GSTO2: variants seen among roughly 807,000 people sequenced by gnomAD.
The protein encoded by GSTO2 is glutathione S-transferase omega-2.
A neutral mutation model predicts 28.4 loss-of-function variants in GSTO2; 23 were observed. The observed-to-expected ratio is 0.81, with a 90% CI of 0.58 to 1.15. The LOEUF (loss-of-function observed/expected upper bound fraction) is 1.15, where lower values mean the gene tolerates loss of function less well. Among genes scored for constraint, GSTO2 ranks in the 50% most tolerant of loss-of-function variants. The pLI, the probability that GSTO2 is intolerant of heterozygous loss-of-function variation, is 0.00. For missense variants in GSTO2, 298 were observed against 297.8 expected, an observed-to-expected ratio of 1.00 and a Z score of 0.00; for synonymous variants, 109 against 111.0, an observed-to-expected ratio of 0.98 and a Z score of 0.11.
chr10:104,284,743 T>C (rs1041434572), intron 5 of GSTO2, among the ~76,000 whole-genome samples: 1 of 152,248 alleles, frequency 6.6e-6, no homozygotes, highest in Non-Finnish European at 1.5e-5. Flanking sequence ...TCACTTTTTA[T>C]CTGTGCCTTC....
At position 104,303,543 on chromosome 10, in the gene GSTO2, T is replaced by G. The variant is rs112927816; in HGVS notation, c.*4259T>G. ...ATGCTCATATTTGTGAGCAAAGAAA[T>G]TATGTTAAGTTGGAACTTATATTTA... On this transcript the variant is annotated 3_prime_UTR_variant, in exon 7 of 7. Transcript: ENST00000338595. The G allele has an allele frequency of 6.6e-6, 1 of 152,160 alleles. No homozygotes were observed. Among genetic ancestry groups the G allele is most frequent in the East Asian group, 1.9e-4 (1 of 5,194 alleles). 9.4% of individuals were successfully genotyped at this position (152,160 alleles called of 1,614,324 possible).
intron 5 of GSTO2, among the ~76,000 whole-genome samples, chr10:104,280,146 A>G (rs966267527): frequency 7.4e-6 from 1 of 134,322 alleles, no homozygotes; most frequent in African/African-American, 3.0e-5. Flanking sequence ...AGCCTGGGTG[A>G]CAGAGTAAGT....
chr10:104,280,876 C>T (rs2011997895), intron 5 of GSTO2, among the ~76,000 whole-genome samples: 1 of 152,140 alleles, frequency 6.6e-6, no homozygotes, highest in South Asian at 2.1e-4. Context: ...TTGCCTATCT[C>T]AAATTTGTAC....
chr10:104,294,605 C>G (rs2012939578), intron 5 of GSTO2, among the ~76,000 whole-genome samples: 1 of 152,120 alleles, frequency 6.6e-6, no homozygotes, highest in Non-Finnish European at 1.5e-5. Flanking sequence ...TTAGGAAATG[C>G]AAGTAGTTTT....
chr10:104,299,369 C>G lies in GSTO2; in HGVS notation c.*85C>G. On this transcript the variant is annotated 3_prime_UTR_variant, in exon 7 of 7. Coordinates refer to ENST00000338595, the MANE Select transcript of GSTO2 (RefSeq NM_183239.2). ...CGGCTTGTCTTGGGAACCAATCCGT[C>G]TCTCTTTCTTTTCTTTGAAGTTCCC... 4 of 1,420,380 alleles carry G rather than the reference C, an allele frequency of 2.8e-6. No homozygotes were observed. The highest frequency in any genetic ancestry group is 3.6e-4 in the Middle Eastern group (2 of 5,614). 88.0% of individuals were successfully genotyped at this position (1,420,380 alleles called of 1,614,324 possible). A position where few individuals can be genotyped will look rare whatever the true frequency, so the allele number is the denominator to read the frequency against.
rs1235512434 is a variant in GSTO2, at chr10:104,299,482, T to C, written c.*198T>C. On this transcript the variant is annotated 3_prime_UTR_variant, in exon 7 of 7. Transcript: ENST00000338595. ...AGCTGCTGCTACTGCTGCTTTTTTT[T>C]CCTTTTTTTTTTTGAGGCAAGATCT... The C allele has an allele frequency of 1.1e-5, 7 of 608,814 alleles. No homozygotes were observed. The highest frequency in any genetic ancestry group is 2.2e-5 in the South Asian group (1 of 45,010). The allele number at this position is 608,814 out of a possible 1,614,324, so 37.7% of individuals were successfully genotyped here. A position where few individuals can be genotyped will look rare whatever the true frequency, so the allele number is the denominator to read the frequency against.
chr10:104,288,397 G>A (rs540134007), intron 5 of GSTO2: 1 of 152,312 alleles, frequency 6.6e-6, no homozygotes, highest in South Asian at 2.1e-4. Flanking sequence ...GGAATTACCA[G>A]ATCAAAGGGT....
In GSTO2 at chr10:104,278,085, G is replaced by T; in HGVS notation, c.335G>T (p.Arg112Leu). The T allele has an allele frequency of 9.3e-6, 15 of 1,613,968 alleles. No homozygotes were observed. The highest frequency in any genetic ancestry group is 4.5e-5 in the East Asian group (2 of 44,874). Reference sequence around the variant, plus strand: ...CCATATGACCCTTATGAACGAGCTCGCCAAAAGATGTTATTGGAGCTATTT... The same window carrying T: ...CCATATGACCCTTATGAACGAGCTCTCCAAAAGATGTTATTGGAGCTATTT... Reference protein sequence around the residue: ...LFPYDPYERARQKMLLELFCK... With the variant: ...LFPYDPYERALQKMLLELFCK... The change falls in exon 4 of 7, where the codon CGC (arginine) becomes CTC (leucine). Residue 112 changes from arginine to leucine, a missense_variant. Transcript: ENST00000338595.
At chr10:104,272,699 C>T (rs1433832557) in intron 1 of GSTO2, among the ~76,000 whole-genome samples, 2 of 146,662 alleles carry the variant, frequency 1.4e-5, no homozygotes, top group East Asian at 2.1e-4. Context: ...CAGCAAGCTC[C>T]GCCTCCCGGG....
At chr10:104,274,251 C>T (rs2011529457) in intron 1 of GSTO2, among the ~76,000 whole-genome samples, 1 of 152,086 alleles carries the variant, frequency 6.6e-6, no homozygotes, top group South Asian at 2.1e-4. Context: ...GGTAAAATCT[C>T]ACAAGTAGGG....
chr10:104,270,699 A>G (rs534763975), intron 1 of GSTO2, among the ~76,000 whole-genome samples: 1 of 152,360 alleles, frequency 6.6e-6, no homozygotes, highest in East Asian at 1.9e-4. Context: ...ATAAGGGAAC[A>G]CCCAGTAATA....
At position 104,294,516 on chromosome 10, in the gene GSTO2, T is replaced by C. The variant is rs2012935594; in HGVS notation, c.469-3062T>C. 2.6e-5 allele frequency among the ~76,000 whole-genome samples: 4 copies of C among 152,178 alleles called. No individual in the cohort carries two copies. In the South Asian group the frequency reaches 8.3e-4, roughly 32 times the overall value. ...AGTTTAGGGAAAGACAGCTTTTCTG[T>C]TGGGATTTTAGACTTACCCTGCTTG... On this transcript the variant is annotated intron_variant, in intron 5 of 6. Transcript: ENST00000338595.
At chr10:104,291,217 A>G (rs1458320937) in intron 5 of GSTO2, 4 of 152,148 alleles carry the variant, frequency 2.6e-5, no homozygotes, top group Non-Finnish European at 5.9e-5. Flanking sequence ...GCATTTTCAG[A>G]ACGATTTTCA....
At chr10:104,293,761 C>T (rs568942289) in intron 5 of GSTO2, among the ~76,000 whole-genome samples, 3 of 151,832 alleles carry the variant, frequency 2.0e-5, no homozygotes, top group East Asian at 1.9e-4. Context: ...TTTGTAGAGA[C>T]GGGGTTTCAC....
intron 5 of GSTO2, among the ~76,000 whole-genome samples, chr10:104,293,983 C>G (rs1182269286): frequency 1.3e-5 from 2 of 152,140 alleles, no homozygotes; most frequent in Admixed American, 1.3e-4. Context: ...CAGCAAGGCT[C>G]CCCTGTCCTT....
At chr10:104,276,097 A>G (rs7070750) in intron 3 of GSTO2, among the ~76,000 whole-genome samples, 15,806 of 152,094 alleles carry the variant, frequency 0.1, 2,793 homozygotes, top group African/African-American at 0.36. Flanking sequence ...TGTTGAGAAT[A>G]TGTCACTCCA....
At chr10:104,280,517 GA>G (rs1207817880) in intron 5 of GSTO2, among the ~76,000 whole-genome samples, 1 of 152,190 alleles carries the variant, frequency 6.6e-6, no homozygotes, top group African/African-American at 2.4e-5. Flanking sequence ...AGAAAGCTGG[GA>G]AATACAGTCT....
At chr10:104,278,280 T>C (rs1039877471) in intron 4 of GSTO2, among the ~76,000 whole-genome samples, 164 bp downstream of exon 4, 10 of 152,198 alleles carry the variant, frequency 6.6e-5, no homozygotes, top group African/African-American at 2.4e-4. Context: ...GCATGGCCAC[T>C]GATATTAAAG....
In GSTO2 at chr10:104,300,085, A is replaced by G. The variant is rs1471818063; in HGVS notation, c.*801A>G. On this transcript the variant is annotated 3_prime_UTR_variant, in exon 7 of 7. Transcript: ENST00000338595. The stretch of plus-strand genomic sequence containing the variant: ...TGTCCACGTGGGCGAGTATGAGTGT[A>G]ATTCTCCAAACTTTGGCCATGGGCC... 1.3e-5 allele frequency: 2 copies of G among 152,246 alleles called. No individual in the cohort carries two copies. Among genetic ancestry groups the G allele is most frequent in the Non-Finnish European group, 2.9e-5 (2 of 68,062 alleles). The allele number at this position is 152,246 out of a possible 1,614,324, so 9.4% of individuals were successfully genotyped here. A position where few individuals can be genotyped will look rare whatever the true frequency, so the allele number is the denominator to read the frequency against.
Sources: allele counts gnomAD v4.1 joint callset (sites outside exome capture counted in the v4.1 genomes callset), GRCh38; gene constraint gnomAD v4.1.1; transcripts MANE v1.5; gene names NCBI Gene and HGNC (gene_info 2026-07-23, HGNC 2026-07-21).